RNF150: variants seen among roughly 807,000 people sequenced by gnomAD.
The protein encoded by RNF150 is ring finger protein 150.
In RNF150, 24 loss-of-function variants were observed where a neutral mutation model predicts 39.3. The observed-to-expected ratio is 0.61, with a 90% CI of 0.44 to 0.86. The LOEUF (loss-of-function observed/expected upper bound fraction) is 0.86, where lower values mean the gene tolerates loss of function less well. Among genes scored for constraint, RNF150 ranks in the 40% least tolerant of loss-of-function variants. The pLI, the probability that RNF150 is intolerant of heterozygous loss-of-function variation, is 0.00. For synonymous variants in RNF150, 255 were observed against 227.3 expected, an observed-to-expected ratio of 1.12 and a Z score of -1.10; for missense variants, 502 against 587.8, an observed-to-expected ratio of 0.85 and a Z score of 1.51.
intron 1 of RNF150, among the ~76,000 whole-genome samples, chr4:141,112,929 A>C (rs1350686544): frequency 6.6e-6 from 1 of 151,960 alleles, no homozygotes; most frequent in African/African-American, 2.4e-5. Flanking sequence ...GTTCGTTTTC[A>C]TTCTTTTTTC....
chr4:141,018,301 C>T (rs761695646), intron 1 of RNF150, among the ~76,000 whole-genome samples: 127 of 152,158 alleles, frequency 8.3e-4, no homozygotes, highest in Admixed American at 3.7e-3. Context: ...CATGAACCCT[C>T]ACCACACTCT....
chr4:141,025,435 G>C (rs2110801777), intron 1 of RNF150, among the ~76,000 whole-genome samples: 1 of 152,090 alleles, frequency 6.6e-6, no homozygotes, highest in South Asian at 2.1e-4. Context: ...GTTGAAATAA[G>C]AGCATTTTCA....
At chr4:140,889,612 C>T (rs1729690729) in intron 6 of RNF150, among the ~76,000 whole-genome samples, 1 of 152,076 alleles carries the variant, frequency 6.6e-6, no homozygotes, top group African/African-American at 2.4e-5. Context: ...TTAAATGCTA[C>T]AAAGGTACAG....
At chr4:140,903,237 C>G (rs1730252005) in intron 6 of RNF150, among the ~76,000 whole-genome samples, 1 of 152,168 alleles carries the variant, frequency 6.6e-6, no homozygotes, top group Non-Finnish European at 1.5e-5. Flanking sequence ...TCCGTGGTAT[C>G]AGTTTACCTC....
chr4:140,944,373 G>A, intron 4 of RNF150, among the ~76,000 whole-genome samples: 1 of 152,200 alleles, frequency 6.6e-6, no homozygotes, highest in Non-Finnish European at 1.5e-5. Flanking sequence ...GCAGCTTTGT[G>A]GGCTAAGGGG....
chr4:141,151,340 A>G (rs563168464), intron 1 of RNF150, among the ~76,000 whole-genome samples: 1 of 151,852 alleles, frequency 6.6e-6, no homozygotes, highest in African/African-American at 2.4e-5. Context: ...TTACCCTGTA[A>G]TCCCAGGGAC....
chr4:141,042,271 G>A (rs36112017), intron 1 of RNF150, among the ~76,000 whole-genome samples: 7,713 of 152,060 alleles, frequency 0.051, 264 homozygotes, highest in Non-Finnish European at 0.075. Flanking sequence ...TGTGAGACTC[G>A]TTTATCTAAA....
chr4:140,974,281 A>C (rs1733581959), intron 1 of RNF150, among the ~76,000 whole-genome samples: 1 of 152,132 alleles, frequency 6.6e-6, no homozygotes, highest in Non-Finnish European at 1.5e-5. Flanking sequence ...GATCCTCTAG[A>C]TTGGCTTTTT....
chr4:141,045,784 T>TCAC (rs1209199201), intron 1 of RNF150, among the ~76,000 whole-genome samples: 1 of 152,084 alleles, frequency 6.6e-6, no homozygotes, highest in African/African-American at 2.4e-5. Context: ...CCTCAGGTGA[T>TCAC]CCGCCCACCT....
At chr4:141,014,754 C>T (rs1339278384) in intron 1 of RNF150, among the ~76,000 whole-genome samples, 1 of 151,498 alleles carries the variant, frequency 6.6e-6, no homozygotes, top group Non-Finnish European at 1.5e-5. Flanking sequence ...ATCAGATGTA[C>T]AGTTTGTAAA....
Position 141,091,238 on chromosome 4 carries a change from C to T in RNF150, c.484+41087G>A, listed in dbSNP as rs556640469. On this transcript the variant is annotated intron_variant, in intron 1 of 6. Coordinates refer to ENST00000515673, the MANE Select transcript of RNF150 (RefSeq NM_020724.2). ...TGTGGGGGATAATTGTAGCATCTACCCAATTAGGACTGATGTGAGGATTAA... is the reference window on the plus strand; with the variant it reads ...TGTGGGGGATAATTGTAGCATCTACTCAATTAGGACTGATGTGAGGATTAA... Among the ~76,000 whole-genome samples the T allele has an allele frequency of 2.0e-5, 3 of 152,214 alleles. No homozygotes were observed. In the South Asian group the frequency reaches 6.2e-4, roughly 32 times the overall value.
chr4:140,980,598 TG>T (rs1256199895), intron 1 of RNF150, among the ~76,000 whole-genome samples: 3 of 152,086 alleles, frequency 2.0e-5, no homozygotes, highest in Non-Finnish European at 2.9e-5. Flanking sequence ...TTGAATCATG[TG>T]GGCAGTTTCC....
At chr4:141,025,462 G>C (rs1031325499) in intron 1 of RNF150, among the ~76,000 whole-genome samples, 2 of 151,778 alleles carry the variant, frequency 1.3e-5, no homozygotes, top group African/African-American at 4.8e-5. Context: ...CATTTGCAGT[G>C]TTTTCTATTA....
intron 5 of RNF150, among the ~76,000 whole-genome samples, chr4:140,921,260 A>G (rs1194696617): frequency 1.3e-5 from 2 of 151,826 alleles, no homozygotes; most frequent in Non-Finnish European, 2.9e-5. Context: ...AATCAAATAG[A>G]CACAATAAAA....
chr4:140,900,170 G>A (rs1350097616), intron 6 of RNF150, among the ~76,000 whole-genome samples: 1 of 152,104 alleles, frequency 6.6e-6, no homozygotes, highest in Non-Finnish European at 1.5e-5. Context: ...AGATCATCAA[G>A]ACCTAGAAAT....
intron 1 of RNF150, among the ~76,000 whole-genome samples, chr4:141,055,731 GA>G (rs1250253532): frequency 6.6e-6 from 1 of 152,124 alleles, no homozygotes; most frequent in African/African-American, 2.4e-5. Context: ...TACATTTAAT[GA>G]GAGTCCTAAA....
At chr4:141,161,503 A>G (rs1727511996) in intron 1 of RNF150, among the ~76,000 whole-genome samples, 1 of 152,202 alleles carries the variant, frequency 6.6e-6, no homozygotes, top group African/African-American at 2.4e-5. Flanking sequence ...ATCTGGGGAG[A>G]AATTCAAGCA....
intron 5 of RNF150, among the ~76,000 whole-genome samples, chr4:140,912,617 T>G (rs1398082837): frequency 1.3e-5 from 2 of 152,174 alleles, no homozygotes; most frequent in Non-Finnish European, 2.9e-5. Flanking sequence ...TGCTCTTAGC[T>G]GTATAATGCC....
chr4:141,133,766 C>G (rs1164386538), upstream of RNF150, among the ~76,000 whole-genome samples: 1 of 152,080 alleles, frequency 6.6e-6, no homozygotes, highest in East Asian at 1.9e-4. Context: ...GCCGTGAGCT[C>G]CCTGATTACC....
Sources: allele counts gnomAD v4.1 joint callset (sites outside exome capture counted in the v4.1 genomes callset), GRCh38; gene constraint gnomAD v4.1.1; transcripts MANE v1.5; gene names NCBI Gene and HGNC (gene_info 2026-07-23, HGNC 2026-07-21).